The following AGPS variants were observed in gnomAD, a reference collection of about 807,000 sequenced individuals.
AGPS encodes the protein alkylglycerone phosphate synthase.
Under a neutral mutation model 90.7 loss-of-function variants are expected in AGPS, and 26 were observed. That is an observed-to-expected ratio of 0.29 (90% confidence interval 0.21 to 0.40). AGPS has a LOEUF of 0.40. AGPS is among the 10% of genes least tolerant of loss of function. The pLI, the probability that AGPS is intolerant of heterozygous loss-of-function variation, is 1.00. For missense variants in AGPS, 540 were observed against 816.1 expected (o/e 0.66, Z 4.12); for synonymous variants, 294 against 285.3 (o/e 1.03, Z -0.31).
chr2:177,434,083 T>C (rs141390387), intron 2 of AGPS, among the ~76,000 whole-genome samples: 21 of 152,290 alleles, frequency 1.4e-4, no homozygotes, highest in African/African-American at 5.1e-4. Context: ...TGAACTTATG[T>C]AGTATTTTTT....
intron 17 of AGPS, among the ~76,000 whole-genome samples, chr2:177,518,593 T>G (rs1447620286): frequency 6.6e-6 from 1 of 152,126 alleles, no homozygotes; most frequent in Non-Finnish European, 1.5e-5. Flanking sequence ...GATTTTCTAT[T>G]TTAATCATTC....
intron 9 of AGPS, among the ~76,000 whole-genome samples, 165 bp downstream of exon 9, chr2:177,462,183 G>C (rs907113112): frequency 6.6e-6 from 1 of 151,906 alleles, no homozygotes; most frequent in Admixed American, 6.6e-5. Flanking sequence ...GAGGTCAGGA[G>C]ATCGAGACCA....
At chr2:177,409,378 T>C (rs1350818076) in intron 1 of AGPS, among the ~76,000 whole-genome samples, 1 of 127,850 alleles carries the variant, frequency 7.8e-6, no homozygotes, top group African/African-American at 2.9e-5. Context: ...TCAGGTGATA[T>C]ATGATTTGAC....
At chr2:177,412,609 T>C (rs6726942) in intron 1 of AGPS, among the ~76,000 whole-genome samples, 2,571 of 152,256 alleles carry the variant, frequency 0.017, 70 homozygotes, top group African/African-American at 0.057. Flanking sequence ...TAGTCCAATA[T>C]TACTCACCGC....
chr2:177,420,498 C>G, intron 2 of AGPS, 140 bp downstream of exon 2: 2 of 666,526 alleles, frequency 3.0e-6, no homozygotes, highest in South Asian at 3.2e-5. Context: ...TTTTTGTCTC[C>G]TGGTAATATT....
At chr2:177,497,850 G>T (rs1199525565) in intron 13 of AGPS, 85 bp downstream of exon 13, 3 of 607,288 alleles carry the variant, frequency 4.9e-6, no homozygotes, top group East Asian at 3.2e-5. Flanking sequence ...TATTGTAAGG[G>T]TGTTTTTCCA....
At chr2:177,398,453 T>C (rs1559029796) in intron 1 of AGPS, among the ~76,000 whole-genome samples, 1 of 152,222 alleles carries the variant, frequency 6.6e-6, no homozygotes, top group African/African-American at 2.4e-5. Flanking sequence ...ACTAGAGGCT[T>C]AGAGAAGTTA....
intron 6 of AGPS, 111 bp from the exon 7 acceptor site, chr2:177,442,295 TA>T: frequency 1.2e-6 from 1 of 822,952 alleles, no homozygotes; most frequent in African/African-American, 1.7e-5. Context: ...TATTAATAGG[TA>T]TCACTTTTCT....
intron 2 of AGPS, 94 bp downstream of exon 2, chr2:177,420,452 T>G (rs1685911659): frequency 1.1e-6 from 1 of 939,842 alleles, no homozygotes; most frequent in African/African-American, 1.6e-5. Context: ...GATTCCTCCT[T>G]GAGTTTAAAC....
intron 1 of AGPS, among the ~76,000 whole-genome samples, chr2:177,416,831 G>C (rs1421575160): frequency 6.6e-6 from 1 of 152,082 alleles, no homozygotes; most frequent in Non-Finnish European, 1.5e-5. Context: ...GCCTGGCCCG[G>C]TCTTGTTTTT....
chr2:177,513,923 T>C lies in AGPS; in HGVS notation c.1697+15T>C, dbSNP rs1425712360. On this transcript the variant is annotated intron_variant, in intron 17 of 19. Coordinates refer to ENST00000264167, the MANE Select transcript of AGPS (RefSeq NM_003659.4). ...TCTACATGCAGGTAAGTTTTAAAAA[T>C]TGTTCTTATACTTCTTATTCTGAAA... The C allele has an allele frequency of 6.3e-7, 1 of 1,576,186 alleles. No individual in the cohort carries two copies. Among genetic ancestry groups the C allele is most frequent in the African/African-American group, 1.3e-5 (1 of 74,206 alleles).
intron 10 of AGPS, among the ~76,000 whole-genome samples, chr2:177,479,855 A>C (rs1284672722): frequency 1.3e-5 from 2 of 152,194 alleles, no homozygotes; most frequent in African/African-American, 2.4e-5. Flanking sequence ...TTGTAATGAC[A>C]GTTGCACATG....
At chr2:177,446,538 G>T (rs947268264) in intron 8 of AGPS, among the ~76,000 whole-genome samples, 1 of 152,168 alleles carries the variant, frequency 6.6e-6, no homozygotes, top group East Asian at 1.9e-4. Context: ...TATTGGGTGG[G>T]TGTGGGTACA....
Position 177,441,035 on chromosome 2 carries a change from T to C in AGPS, c.708T>C (p.Gly236=). The C allele has an allele frequency of 6.2e-7, 1 of 1,607,528 alleles. No individual in the cohort carries two copies. The highest frequency in any genetic ancestry group is 8.5e-7 in the Non-Finnish European group (1 of 1,174,466). The change falls in exon 6 of 20, where the codon GGT becomes GGC. Residue 236 remains glycine, a splice_region_variant and synonymous_variant. Transcript: ENST00000264167. ...ATAATCTTTGTATCATACCAATTGG[T>C]GGTAGGTATTGTGCCTTTTGAATTT... The part of the protein sequence containing the change: ...CKYNLCIIPI[G]GGTSVSYGLM...
intron 2 of AGPS, 39 bp downstream of exon 2, chr2:177,420,397 T>C: frequency 7.0e-7 from 1 of 1,431,994 alleles, no homozygotes; most frequent in Non-Finnish European, 9.8e-7. Context: ...CCTCCTTTAA[T>C]TCTTTCTTTC....
chr2:177,528,615 G>A (rs1302331139), intron 19 of AGPS, among the ~76,000 whole-genome samples: 1 of 152,124 alleles, frequency 6.6e-6, no homozygotes, highest in Non-Finnish European at 1.5e-5. Context: ...CTGTCCTCTT[G>A]TGTAGTTTCT....
intron 1 of AGPS, among the ~76,000 whole-genome samples, chr2:177,399,219 G>A (rs548600619): frequency 6.6e-6 from 1 of 152,342 alleles, no homozygotes; most frequent in East Asian, 1.9e-4. Flanking sequence ...CAAGTGCTAA[G>A]CAAATATTAC....
At chr2:177,499,597 T>TA (rs761820462) in intron 13 of AGPS, 21 bp from the exon 14 acceptor site, 2 of 1,472,638 alleles carry the variant, frequency 1.4e-6, no homozygotes, top group Non-Finnish European at 9.5e-7. Context: ...TCTGTAATAA[T>TA]AAATTTTTTT....
In AGPS at chr2:177,542,776, G is replaced by A. The variant is rs1382002950; in HGVS notation, c.*4581G>A. 1 of 151,966 alleles carries A rather than the reference G, an allele frequency of 6.6e-6. No homozygotes were observed. The highest frequency in any genetic ancestry group is 1.5e-5 in the Non-Finnish European group (1 of 67,980). The allele number at this position is 151,966 out of a possible 1,614,324, so 9.4% of individuals were successfully genotyped here. Reference sequence around the variant, plus strand: ...ATGAAATGCTCATACTGGCATACAAGTTTCTATAAGTAGTTATTTTTTGAG... The same window carrying A: ...ATGAAATGCTCATACTGGCATACAAATTTCTATAAGTAGTTATTTTTTGAG... On this transcript the variant is annotated 3_prime_UTR_variant, in exon 20 of 20. Coordinates refer to ENST00000264167, the MANE Select transcript of AGPS (RefSeq NM_003659.4).
Sources: allele counts gnomAD v4.1 joint callset (sites outside exome capture counted in the v4.1 genomes callset), GRCh38; gene constraint gnomAD v4.1.1; transcripts MANE v1.5; gene names NCBI Gene and HGNC (gene_info 2026-07-23, HGNC 2026-07-21).